PCSK6: variants seen among roughly 807,000 people sequenced by gnomAD.
PCSK6 encodes proprotein convertase subtilisin/kexin type 6, also known as paired basic amino acid cleaving enzyme 4.
Under a neutral mutation model 123.3 loss-of-function variants are expected in PCSK6, and 85 were observed. That is an observed-to-expected ratio of 0.69 (90% CI 0.58 to 0.83). The LOEUF (loss-of-function observed/expected upper bound fraction) is 0.83. Among genes scored for constraint, PCSK6 ranks in the 40% least tolerant of loss-of-function variants. The pLI is 0.00. For synonymous variants in PCSK6, 508 were observed against 516.0 expected (o/e 0.98, Z 0.21); for missense variants, 1,191 against 1,282.3 (o/e 0.93, Z 1.09).
Position 101,324,932 on chromosome 15 carries a change from C to G in PCSK6, c.2295G>C (p.Leu765=), listed in dbSNP as rs1350673576. Residue 765 remains leucine (L), a synonymous_variant, in exon 17 of 22, where the codon CTG becomes CTC. Coordinates refer to ENST00000611716, the MANE Select transcript of PCSK6 (RefSeq NM_002570.5). ...TCSSRAATQC[L]SCRRGFYHHQ... ...GGTGATAGAACCCGCGGCGGCAAGA[C>G]AGGCACTGCGTCGCAGCTCTGCTGG... The G allele has an allele frequency of 1.2e-6, 2 of 1,613,470 alleles. No individual in the cohort carries two copies. The highest frequency in any genetic ancestry group is 1.7e-6 in the Non-Finnish European group (2 of 1,179,900).
At chr15:101,413,909 T>C (rs11857364) in intron 6 of PCSK6, among the ~76,000 whole-genome samples, 1 of 152,172 alleles carries the variant, frequency 6.6e-6, no homozygotes, top group Non-Finnish European at 1.5e-5. Context: ...AAATAAATTT[T>C]AAAAAATGGC....
intron 6 of PCSK6, among the ~76,000 whole-genome samples, chr15:101,402,651 C>G (rs1408439106): frequency 6.6e-6 from 1 of 152,108 alleles, no homozygotes. Context: ...ATTTATGCAG[C>G]CAAAAGACAC....
intron 1 of PCSK6, among the ~76,000 whole-genome samples, chr15:101,479,074 G>A (rs986952822): frequency 1.3e-5 from 2 of 152,170 alleles, no homozygotes; most frequent in African/African-American, 2.4e-5. Flanking sequence ...ACGTAAAGAC[G>A]CAGACTATGA....
At chr15:101,405,490 G>A (rs1171772307) in intron 6 of PCSK6, among the ~76,000 whole-genome samples, 1 of 152,090 alleles carries the variant, frequency 6.6e-6, no homozygotes, top group African/African-American at 2.4e-5. Flanking sequence ...AAGAACTCGG[G>A]GTGCTATGGG....
intron 1 of PCSK6, among the ~76,000 whole-genome samples, chr15:101,453,995 CA>C (rs1470978495): frequency 6.6e-6 from 1 of 152,244 alleles, no homozygotes; most frequent in Non-Finnish European, 1.5e-5. Flanking sequence ...CCAAGGCAGT[CA>C]GGGGGAGCCC....
chr15:101,448,438 G>A (rs775997302), intron 1 of PCSK6, among the ~76,000 whole-genome samples: 1 of 152,180 alleles, frequency 6.6e-6, no homozygotes, highest in South Asian at 2.1e-4. Context: ...GGTACAAAAG[G>A]GTACAGAGTT....
At chr15:101,414,906 C>T (rs2055833223) in intron 6 of PCSK6, among the ~76,000 whole-genome samples, 1 of 152,152 alleles carries the variant, frequency 6.6e-6, no homozygotes, top group African/African-American at 2.4e-5. Flanking sequence ...CAGATACATG[C>T]TGCTTATAAA....
At chr15:101,435,342 GAAAA>G (rs993880399) in intron 2 of PCSK6, among the ~76,000 whole-genome samples, 6 of 143,296 alleles carry the variant, frequency 4.2e-5, no homozygotes, top group African/African-American at 1.6e-4. Flanking sequence ...AAGAAAGAAA[GAAAA>G]TGTGATTAGG....
intron 5 of PCSK6, among the ~76,000 whole-genome samples, chr15:101,428,681 A>G (rs1443443556): frequency 2.0e-5 from 3 of 152,254 alleles, no homozygotes; most frequent in Non-Finnish European, 4.4e-5. Context: ...AACTTGAAAT[A>G]GCACATCTTT....
rs913599042 is a variant in PCSK6, at chr15:101,487,894, T to C, written c.297+1480A>G. 3.9e-5 allele frequency among the ~76,000 whole-genome samples: 6 copies of C among 152,192 alleles called. 1 individual carries two copies. In the South Asian group the frequency reaches 1.2e-3, roughly 32 times the overall value. ...AGTGGTTAAAAAAACTAAATATCTA[T>C]ATGGATATACATGTGCGTATATGTA... On this transcript the variant is annotated intron_variant, in intron 1 of 21. Transcript: ENST00000611716.
At chr15:101,308,430 G>C (rs1379178546) in intron 20 of PCSK6, 1 of 152,348 alleles carries the variant, frequency 6.6e-6, no homozygotes, top group African/African-American at 2.4e-5. Context: ...GCTCTTTGCA[G>C]AGCAGCCCTC....
intron 1 of PCSK6, among the ~76,000 whole-genome samples, chr15:101,473,890 A>G (rs58989324): frequency 0.28 from 19,255 of 69,524 alleles, 1,423 homozygotes; most frequent in South Asian, 0.32. Context: ...AAATAAGTAA[A>G]TAAATAAATA....
intron 13 of PCSK6, among the ~76,000 whole-genome samples, chr15:101,354,793 C>T (rs945879498): frequency 2.0e-5 from 3 of 152,216 alleles, no homozygotes; most frequent in Non-Finnish European, 4.4e-5. Context: ...TTCCTACTCT[C>T]CCACTCCTCA....
intron 6 of PCSK6, among the ~76,000 whole-genome samples, chr15:101,412,995 G>T (rs1212666255): frequency 1.5e-5 from 2 of 131,712 alleles, no homozygotes; most frequent in African/African-American, 6.7e-5. Flanking sequence ...CTCTAATAAT[G>T]GAGGAGGAGT....
At position 101,488,166 on chromosome 15, in the gene PCSK6, C is replaced by T. The variant is rs7182695; in HGVS notation, c.297+1208G>A. On this transcript the variant is annotated intron_variant, in intron 1 of 21. Coordinates refer to ENST00000611716, the MANE Select transcript of PCSK6 (RefSeq NM_002570.5). ...CACCACACCTTGCTGGCTTCTGCCA[C>T]GGATAACGATGAAACTACATTTAAC... Among the ~76,000 whole-genome samples, 478 of 152,288 alleles carry T rather than the reference C, an allele frequency of 3.1e-3. 6 individuals are homozygous for T. The highest frequency in any genetic ancestry group is 0.011 in the African/African-American group (438 of 41,578).
intron 13 of PCSK6, among the ~76,000 whole-genome samples, chr15:101,362,446 G>GTACAA (rs1265155230): frequency 1.2e-4 from 18 of 152,154 alleles, no homozygotes; most frequent in Non-Finnish European, 1.2e-4. Context: ...CAGTGTCACG[G>GTACAA]GGCTGGATGA....
At chr15:101,463,287 C>T (rs2057380006) in intron 1 of PCSK6, among the ~76,000 whole-genome samples, 2 of 152,248 alleles carry the variant, frequency 1.3e-5, no homozygotes, top group South Asian at 4.2e-4. Context: ...TTCTCCTCTG[C>T]CCCCTTCTAC....
At chr15:101,310,636 G>A (rs1256390592) in intron 20 of PCSK6, among the ~76,000 whole-genome samples, 2 of 152,228 alleles carry the variant, frequency 1.3e-5, no homozygotes, top group Non-Finnish European at 2.9e-5. Flanking sequence ...CAGCAACGCA[G>A]TAGAAGGGGC....
At chr15:101,447,027 C>T (rs2056909062) in intron 1 of PCSK6, among the ~76,000 whole-genome samples, 1 of 152,188 alleles carries the variant, frequency 6.6e-6, no homozygotes, top group Non-Finnish European at 1.5e-5. Context: ...GCAGGAGCAG[C>T]TGCCCAGGAA....
Sources: allele counts gnomAD v4.1 joint callset (sites outside exome capture counted in the v4.1 genomes callset), GRCh38; gene constraint gnomAD v4.1.1; transcripts MANE v1.5; gene names NCBI Gene and HGNC (gene_info 2026-07-23, HGNC 2026-07-21).